NRXN1: variants seen among roughly 807,000 people sequenced by gnomAD.
The protein encoded by NRXN1 is neurexin 1.
A neutral mutation model predicts 150.9 loss-of-function variants in NRXN1; 39 were observed. The observed-to-expected ratio is 0.26, with a 90% confidence interval of 0.20 to 0.34. The LOEUF (loss-of-function observed/expected upper bound fraction) is 0.34, where lower values mean the gene tolerates loss of function less well. NRXN1 is among the 10% of genes least tolerant of loss of function. The pLI, the probability that NRXN1 is intolerant of heterozygous loss-of-function variation, is 1.00. For synonymous variants in NRXN1, 924 were observed against 757.0 expected (o/e 1.22, Z -3.62); for missense variants, 1,815 against 1,949.9 (o/e 0.93, Z 1.30).
intron 5 of NRXN1, among the ~76,000 whole-genome samples, chr2:50,775,453 A>G (rs1316562938): frequency 1.3e-5 from 2 of 152,110 alleles, no homozygotes; most frequent in African/African-American, 4.8e-5. Flanking sequence ...GCTATGTTCT[A>G]TTATGATCTG....
At chr2:50,053,664 A>T (rs1311812536) in intron 20 of NRXN1, 74 bp from the exon 21 acceptor site, 3 of 1,435,578 alleles carry the variant, frequency 2.1e-6, no homozygotes, top group Non-Finnish European at 2.9e-6. Context: ...GATAAAACAG[A>T]TCTTTTATGG....
chr2:50,217,687 C>T (rs550007728), intron 18 of NRXN1, among the ~76,000 whole-genome samples: 128 of 152,080 alleles, frequency 8.4e-4, no homozygotes, highest in Admixed American at 1.8e-3. Flanking sequence ...GTCAACAGAA[C>T]GCCTGGTTGA....
intron 5 of NRXN1, among the ~76,000 whole-genome samples, chr2:50,850,926 T>C (rs1674425399): frequency 6.6e-6 from 1 of 152,172 alleles, no homozygotes; most frequent in Non-Finnish European, 1.5e-5. Context: ...ATTCACTGCT[T>C]TTCTTCTTAA....
chr2:50,799,012 T>C (rs921222920), intron 5 of NRXN1, among the ~76,000 whole-genome samples: 2 of 152,176 alleles, frequency 1.3e-5, no homozygotes, highest in African/African-American at 4.8e-5. Context: ...CCATTGAAAG[T>C]AATGACAAAA....
intron 17 of NRXN1, among the ~76,000 whole-genome samples, chr2:50,422,340 C>T (rs1239712010): frequency 1.3e-5 from 2 of 152,034 alleles, no homozygotes; most frequent in Non-Finnish European, 2.9e-5. Flanking sequence ...CAAAGAAAAA[C>T]ATTTTAATAA....
intron 5 of NRXN1, among the ~76,000 whole-genome samples, chr2:50,761,535 C>G (rs1251537458): frequency 2.6e-5 from 4 of 151,930 alleles, no homozygotes; most frequent in African/African-American, 9.7e-5. Context: ...GTTCATTAAG[C>G]CTCTTTCTCT....
chr2:50,363,810 T>C (rs1166839419), intron 17 of NRXN1, among the ~76,000 whole-genome samples: 1 of 152,186 alleles, frequency 6.6e-6, no homozygotes, highest in East Asian at 1.9e-4. Context: ...ATTGCAACAC[T>C]ATTCACAATA....
At chr2:50,814,470 T>TA in intron 5 of NRXN1, among the ~76,000 whole-genome samples, 1 of 152,262 alleles carries the variant, frequency 6.6e-6, no homozygotes, top group African/African-American at 2.4e-5. Flanking sequence ...GCTTACATTT[T>TA]ACTTGGCAAA....
intron 3 of NRXN1, among the ~76,000 whole-genome samples, chr2:50,923,888 A>G (rs555245284): frequency 6.6e-6 from 1 of 151,938 alleles, no homozygotes; most frequent in Non-Finnish European, 1.5e-5. Context: ...ATTACAAATA[A>G]TCATCTAATC....
intron 21 of NRXN1, among the ~76,000 whole-genome samples, chr2:49,998,521 G>C (rs1683374010): frequency 6.6e-6 from 1 of 151,274 alleles, no homozygotes. Context: ...GTATTTTTTT[G>C]CTACCCAAAA....
chr2:50,837,496 G>A (rs1170950277), intron 5 of NRXN1, among the ~76,000 whole-genome samples: 1 of 152,006 alleles, frequency 6.6e-6, no homozygotes, highest in East Asian at 1.9e-4. Context: ...GCAAAACTGG[G>A]AAAATCAATT....
intron 17 of NRXN1, among the ~76,000 whole-genome samples, chr2:50,382,609 C>A (rs372458784): frequency 1.3e-5 from 2 of 152,118 alleles, no homozygotes; most frequent in African/African-American, 4.8e-5. Flanking sequence ...TAGCCTATGG[C>A]CAGGAAGCTT....
chr2:50,970,849 A>T (rs988621767), intron 2 of NRXN1, among the ~76,000 whole-genome samples: 2 of 152,068 alleles, frequency 1.3e-5, no homozygotes, highest in African/African-American at 4.8e-5. Context: ...TAGTCTAAAA[A>T]GAACAACTTG....
chr2:50,103,220 C>A (rs575255234), intron 18 of NRXN1, among the ~76,000 whole-genome samples: 1 of 152,188 alleles, frequency 6.6e-6, no homozygotes, highest in Non-Finnish European at 1.5e-5. Flanking sequence ...ATTCTACGCT[C>A]ATATTTCTAA....
chr2:50,642,020 C>T (rs1684154540), intron 5 of NRXN1, among the ~76,000 whole-genome samples: 1 of 151,982 alleles, frequency 6.6e-6, no homozygotes, highest in South Asian at 2.1e-4. Flanking sequence ...ATATGATGGA[C>T]AGAATAAAGT....
intron 5 of NRXN1, among the ~76,000 whole-genome samples, chr2:50,629,684 CTGAT>C (rs1437465341): frequency 6.6e-6 from 1 of 151,476 alleles, no homozygotes; most frequent in African/African-American, 2.4e-5. Context: ...TATTTTCTTC[CTGAT>C]TAATAAGATG....
chr2:50,661,086 CAT>C (rs10548003), intron 5 of NRXN1, among the ~76,000 whole-genome samples: 138,984 of 151,790 alleles, frequency 0.92, 63,860 homozygotes, highest in African/African-American at 0.98. Context: ...CATTCTTGCC[CAT>C]ATATATATAC....
chr2:50,555,414 G>T (rs1433333319), intron 8 of NRXN1, among the ~76,000 whole-genome samples: 1 of 152,076 alleles, frequency 6.6e-6, no homozygotes, highest in Non-Finnish European at 1.5e-5. Flanking sequence ...ACTGAATCAG[G>T]TGACTTGGTG....
chr2:50,726,736 G>C (rs1448524611), intron 5 of NRXN1, among the ~76,000 whole-genome samples: 1 of 152,010 alleles, frequency 6.6e-6, no homozygotes, highest in Non-Finnish European at 1.5e-5. Flanking sequence ...CCCTCCATTA[G>C]TAAACACAAT....
Sources: allele counts gnomAD v4.1 joint callset (sites outside exome capture counted in the v4.1 genomes callset), GRCh38; gene constraint gnomAD v4.1.1; transcripts MANE v1.5; gene names NCBI Gene and HGNC (gene_info 2026-07-23, HGNC 2026-07-21).